Variants in AGPAT4 observed in about 807,000 individuals in gnomAD.
The protein encoded by AGPAT4 is 1-acyl-sn-glycerol-3-phosphate acyltransferase delta.
AGPAT4 carries 15 observed loss-of-function variants against 48.0 expected under a neutral mutation model. That is an observed-to-expected ratio of 0.31 (90% CI 0.21 to 0.48). The LOEUF is 0.48. Ranked by LOEUF, AGPAT4 falls within the 20% of genes least tolerant of loss-of-function variation. The pLI is 0.99. For missense variants in AGPAT4, 314 were observed against 482.5 expected, an observed-to-expected ratio of 0.65 and a Z score of 3.27; for synonymous variants, 178 against 198.7, an observed-to-expected ratio of 0.90 and a Z score of 0.88.
chr6:161,182,724 G>A (rs892952376), intron 2 of AGPAT4, among the ~76,000 whole-genome samples: 6 of 152,196 alleles, frequency 3.9e-5, no homozygotes, highest in South Asian at 2.1e-4. Context: ...GGCAGCCAGC[G>A]GCTGGTACAA....
intron 1 of AGPAT4, among the ~76,000 whole-genome samples, chr6:161,250,194 G>T (rs184556907): frequency 1.3e-5 from 2 of 152,284 alleles, no homozygotes; most frequent in East Asian, 3.9e-4. Flanking sequence ...CCTATCAGAT[G>T]GCGGAGGGTG....
rs35727114 is a variant in AGPAT4, at chr6:161,212,962, T to C, written c.178+19074A>G. 0.063 allele frequency among the ~76,000 whole-genome samples: 9,579 copies of C among 152,266 alleles called. 380 individuals carry two copies. Among genetic ancestry groups the C allele is most frequent in the Middle Eastern group, 0.078 (23 of 294 alleles). ...CTTTGACTGTAATGGTGTGCTTTCC[T>C]TTAAGGAATCAAACTTGACTTATGA... is the stretch of plus-strand genomic sequence containing the variant. On this transcript the variant is annotated intron_variant, in intron 2 of 8. Transcript: ENST00000320285. This position sits in a 1 kb window ranked among gnomAD's most constrained non-coding sequence, Gnocchi z 6.1.
At chr6:161,273,465 T>A (rs1284609887) in intron 1 of AGPAT4, among the ~76,000 whole-genome samples, 1 of 152,192 alleles carries the variant, frequency 6.6e-6, no homozygotes, top group Non-Finnish European at 1.5e-5. Flanking sequence ...ATATCGGGGC[T>A]GCATATTGTG....
chr6:161,230,314 T>C (rs1166450031), intron 2 of AGPAT4, among the ~76,000 whole-genome samples: 1 of 152,312 alleles, frequency 6.6e-6, no homozygotes, highest in East Asian at 1.9e-4. Context: ...GTTATGACAG[T>C]AGAAACATAC....
intron 1 of AGPAT4, among the ~76,000 whole-genome samples, chr6:161,263,415 C>T (rs896807394): frequency 5.9e-5 from 9 of 152,014 alleles, no homozygotes; most frequent in East Asian, 1.9e-4. Flanking sequence ...TGCTTGAATC[C>T]GGGAGGCAGA....
chr6:161,133,618 GGAA>G lies in AGPAT4; in HGVS notation c.*2919_*2921del, dbSNP rs1778972727. The G allele has an allele frequency of 6.6e-6, 1 of 152,206 alleles. No individual in the cohort carries two copies. The highest frequency in any genetic ancestry group is 1.5e-5 in the Non-Finnish European group (1 of 68,072). The allele number at this position is 152,206 out of a possible 1,614,324, so 9.4% of individuals were successfully genotyped here. On this transcript the variant is annotated 3_prime_UTR_variant, in exon 9 of 9. Coordinates refer to ENST00000320285, the MANE Select transcript of AGPAT4 (RefSeq NM_020133.3). Reference sequence around the variant, plus strand: ...AGAGTCCCCGTGGGCTGGCTTTCCTGGAAGAAGTCCATTAAATTCCCTGCTTCT... The same window carrying G: ...AGAGTCCCCGTGGGCTGGCTTTCCTGGAAGTCCATTAAATTCCCTGCTTCT...
chr6:161,216,966 T>A lies in AGPAT4; in HGVS notation c.178+15070A>T, dbSNP rs932752540. Among the ~76,000 whole-genome samples the A allele has an allele frequency of 1.3e-5, 2 of 152,170 alleles. No homozygotes were observed. The highest frequency in any genetic ancestry group is 4.2e-4 in the South Asian group (2 of 4,808). On this transcript the variant is annotated intron_variant, in intron 2 of 8. Coordinates refer to ENST00000320285, the MANE Select transcript of AGPAT4 (RefSeq NM_020133.3). This position sits in a 1 kb window ranked among gnomAD's most constrained non-coding sequence, Gnocchi z 4.8. Reference sequence around the variant, plus strand: ...CCCTGCTTCTGTCTTAATTTGACTTTCCCCTCACACGTGGCTCTGATTCAC... The same window carrying A: ...CCCTGCTTCTGTCTTAATTTGACTTACCCCTCACACGTGGCTCTGATTCAC...
rs1409770386 is a variant in AGPAT4, at chr6:161,243,062, C to CA, written c.-89-10761dup. ...TGGGCGACAGAGCCAGACTCTGTCT[C>CA]AAAAAAATTTTTTTTTAATTTAAAA... is the stretch of plus-strand genomic sequence containing the variant. On this transcript the variant is annotated intron_variant, in intron 1 of 8. Coordinates refer to ENST00000320285, the MANE Select transcript of AGPAT4 (RefSeq NM_020133.3). The surrounding 1 kb of genome is among the most constrained non-coding windows in gnomAD (Gnocchi z 4.8). Among the ~76,000 whole-genome samples, 1 of 151,300 alleles carries CA rather than the reference C, an allele frequency of 6.6e-6. No individual in the cohort carries two copies. The highest frequency in any genetic ancestry group is 1.5e-5 in the Non-Finnish European group (1 of 67,866).
rs1781582064 is a variant in AGPAT4 at position 161,214,024 on chromosome 6, C to G, written c.178+18012G>C. ...AACTGTTTAGGGCAAACGTGCCACC[C>G]ATTCTATTCAAAGGCATCCCTCTGC... On this transcript the variant is annotated intron_variant, in intron 2 of 8. Transcript: ENST00000320285. This position sits in a 1 kb window ranked among gnomAD's most constrained non-coding sequence, Gnocchi z 5.4. Among the ~76,000 whole-genome samples the G allele has an allele frequency of 6.6e-6, 1 of 152,172 alleles. No individual in the cohort carries two copies. The highest frequency in any genetic ancestry group is 1.5e-5 in the Non-Finnish European group (1 of 68,028).
At position 161,260,784 on chromosome 6, in the gene AGPAT4, A is replaced by G. The variant is rs562482844; in HGVS notation, c.-90+13154T>C. 2.0e-5 allele frequency among the ~76,000 whole-genome samples: 3 copies of G among 147,908 alleles called. No homozygotes were observed. In the South Asian group the frequency reaches 6.6e-4, roughly 33 times the overall value. The stretch of plus-strand genomic sequence containing the variant: ...CACCCATAGTCCCAGCTACTTGGGG[A>G]GGGCTGAGGCAGGTGGCTCACTTGA... On this transcript the variant is annotated intron_variant, in intron 1 of 8. Coordinates refer to ENST00000320285, the MANE Select transcript of AGPAT4 (RefSeq NM_020133.3).
At chr6:161,185,106 C>T (rs529350947) in intron 2 of AGPAT4, among the ~76,000 whole-genome samples, 1 of 146,940 alleles carries the variant, frequency 6.8e-6, no homozygotes, top group South Asian at 2.1e-4. Context: ...AATGTATGGG[C>T]CCTATTTAAA....
At chr6:161,210,123 T>C (rs2009379) in intron 2 of AGPAT4, among the ~76,000 whole-genome samples, 103,416 of 151,992 alleles carry the variant, frequency 0.68, 36,355 homozygotes, top group African/African-American at 0.85. Context: ...TTGCCCAGAG[T>C]TCAGAGATCC....
chr6:161,225,398 T>C lies in AGPAT4; in HGVS notation c.178+6638A>G, dbSNP rs947575578. On this transcript the variant is annotated intron_variant, in intron 2 of 8. Coordinates refer to ENST00000320285, the MANE Select transcript of AGPAT4 (RefSeq NM_020133.3). The surrounding 1 kb of genome is among the most constrained non-coding windows in gnomAD (Gnocchi z 5.0). ...TCTTGTCCAAGTGTGCACTCACCAT[T>C]GCTCCATCTGTAAGGGTGCACCCTT... Among the ~76,000 whole-genome samples the C allele has an allele frequency of 2.6e-5, 4 of 152,202 alleles. No homozygotes were observed. Among genetic ancestry groups the C allele is most frequent in the African/African-American group, 9.6e-5 (4 of 41,454 alleles).
In AGPAT4 at chr6:161,216,682, T is replaced by C. The variant is rs1310671180; in HGVS notation, c.178+15354A>G. On this transcript the variant is annotated intron_variant, in intron 2 of 8. Transcript: ENST00000320285. This position sits in a 1 kb window ranked among gnomAD's most constrained non-coding sequence, Gnocchi z 4.8. ...ACAGTTCCACATGGCTGAGGAGTTC[T>C]CACAATCATGGTGGGAGGCGAAAGG... is the stretch of plus-strand genomic sequence containing the variant. Among the ~76,000 whole-genome samples, 2 of 152,174 alleles carry C rather than the reference T, an allele frequency of 1.3e-5. No individual in the cohort carries two copies. Among genetic ancestry groups the C allele is most frequent in the Admixed American group, 6.5e-5 (1 of 15,278 alleles).
Position 161,220,190 on chromosome 6 carries a change from A to G in AGPAT4, c.178+11846T>C, listed in dbSNP as rs531400883. On this transcript the variant is annotated intron_variant, in intron 2 of 8. Transcript: ENST00000320285. This position sits in a 1 kb window ranked among gnomAD's most constrained non-coding sequence, Gnocchi z 6.0. Reference sequence around the variant, plus strand: ...ACACAGCCTGCGCTATCACCAGATGACCTGAGCTAATAACACACTAATGTC... The same window carrying G: ...ACACAGCCTGCGCTATCACCAGATGGCCTGAGCTAATAACACACTAATGTC... Among the ~76,000 whole-genome samples the G allele has an allele frequency of 6.6e-6, 1 of 152,274 alleles. No homozygotes were observed. Among genetic ancestry groups the G allele is most frequent in the East Asian group, 1.9e-4 (1 of 5,180 alleles).
chr6:161,151,768 T>C (rs1779597622), intron 5 of AGPAT4, among the ~76,000 whole-genome samples: 2 of 152,202 alleles, frequency 1.3e-5, no homozygotes, highest in South Asian at 2.1e-4. Flanking sequence ...TGAGGTCTCC[T>C]GATCAGGGAG....
Position 161,154,065 on chromosome 6 carries a change from G to A in AGPAT4, c.510+84C>T, listed in dbSNP as rs140353034. ...GAGTCGCACAGGACCACACAGTCACGTGTCCTGTGGAAGTCACATGGGGGT... is the reference window on the plus strand; with the variant it reads ...GAGTCGCACAGGACCACACAGTCACATGTCCTGTGGAAGTCACATGGGGGT... On this transcript the variant is annotated intron_variant, in intron 4 of 8. Transcript: ENST00000320285. The surrounding 1 kb of genome is among the most constrained non-coding windows in gnomAD (Gnocchi z 7.8). The A allele has an allele frequency of 8.3e-4, 1,278 of 1,547,780 alleles. 5 individuals are homozygous for A. The African/African-American group carries it at 0.015, about 18-fold the overall frequency.
At chr6:161,136,745 G>A (rs1266404427) in intron 8 of AGPAT4, 111 bp from the exon 9 acceptor site, 9 of 855,472 alleles carry the variant, frequency 1.1e-5, no homozygotes, top group Non-Finnish European at 1.7e-5. Flanking sequence ...CGCCAGCTCA[G>A]AGCTGGCTGG....
At chr6:161,188,199 C>T (rs1443235855) in intron 2 of AGPAT4, among the ~76,000 whole-genome samples, 3 of 152,172 alleles carry the variant, frequency 2.0e-5, no homozygotes, top group African/African-American at 4.8e-5. Flanking sequence ...GACTCTATCC[C>T]GGCACTGTTT....
Sources: allele counts gnomAD v4.1 joint callset (sites outside exome capture counted in the v4.1 genomes callset), GRCh38; gene constraint gnomAD v4.1.1; non-coding constraint Gnocchi (gnomAD v3.1); transcripts MANE v1.5; gene names NCBI Gene and HGNC (gene_info 2026-07-23, HGNC 2026-07-21).